WDR7: variants seen among roughly 807,000 people sequenced by gnomAD.
The protein encoded by WDR7 is WD repeat-containing protein 7.
Under a neutral mutation model 169.4 loss-of-function variants are expected in WDR7, and 46 were observed. The observed-to-expected ratio is 0.27, with a 90% CI of 0.21 to 0.35. The LOEUF (loss-of-function observed/expected upper bound fraction) is 0.35. Ranked by LOEUF, WDR7 falls within the 10% of genes least tolerant of loss-of-function variation. The probability of loss-of-function intolerance (pLI) is 1.00; values close to 1 mark genes in which losing one functional copy is unlikely to be tolerated. For synonymous variants in WDR7, 612 were observed against 666.8 expected (o/e 0.92, Z 1.27); for missense variants, 1,534 against 1,859.3 (o/e 0.83, Z 3.22).
chr18:56,849,017 T>C (rs928168157), intron 20 of WDR7, among the ~76,000 whole-genome samples: 1 of 152,236 alleles, frequency 6.6e-6, no homozygotes, highest in Non-Finnish European at 1.5e-5. Context: ...GTTTCCAAGC[T>C]TCGTGGCTCT....
intron 20 of WDR7, among the ~76,000 whole-genome samples, chr18:56,820,359 A>AAAAAAAACAAAAAAAAAC (rs1044771844): frequency 7.8e-6 from 1 of 127,462 alleles, no homozygotes; most frequent in African/African-American, 3.5e-5. Flanking sequence ...AAAAAAAAAA[A>AAAAAAAACAAAAAAAAAC]AAAAACCACC....
chr18:56,815,169 A>G (rs564207810), intron 19 of WDR7, among the ~76,000 whole-genome samples: 22 of 152,320 alleles, frequency 1.4e-4, no homozygotes, highest in African/African-American at 5.3e-4. Flanking sequence ...CTATGTAGGC[A>G]GTTATTGATA....
intron 5 of WDR7, 22 bp downstream of exon 5, chr18:56,682,875 G>C (rs1245608272): frequency 1.2e-6 from 2 of 1,606,892 alleles, no homozygotes; most frequent in African/African-American, 1.3e-5. Flanking sequence ...ATGCCTGTTA[G>C]GAGCTTTAGC....
chr18:56,911,490 T>C (rs2046551047), intron 21 of WDR7, among the ~76,000 whole-genome samples: 1 of 152,226 alleles, frequency 6.6e-6, no homozygotes. Context: ...AGAATGTCAG[T>C]GTTTGTCCAT....
chr18:56,840,597 G>A (rs968952936), intron 20 of WDR7, among the ~76,000 whole-genome samples: 1 of 152,112 alleles, frequency 6.6e-6, no homozygotes, highest in Non-Finnish European at 1.5e-5. Flanking sequence ...GAGGCAGGTG[G>A]ATCATTTGAG....
chr18:56,798,633 A>G (rs2044622855), intron 19 of WDR7, among the ~76,000 whole-genome samples: 1 of 152,200 alleles, frequency 6.6e-6, no homozygotes, highest in South Asian at 2.1e-4. Flanking sequence ...ATTGAGGGTG[A>G]TACTGCGGTT....
At chr18:56,791,830 C>A (rs28701844) in intron 19 of WDR7, among the ~76,000 whole-genome samples, 4,019 of 152,114 alleles carry the variant, frequency 0.026, 73 homozygotes, top group African/African-American at 0.051. Context: ...AGTCTTGTGG[C>A]GAAGGGACTC....
In WDR7 at chr18:56,735,848, T is replaced by C. The variant is rs149921701; in HGVS notation, c.1989+4251T>C. Reference sequence around the variant, plus strand: ...TAAAACTATTTACAGAAGCAGGTGGTGAGTTGGATTTGGCCCATGGGTCAT... The same window carrying C: ...TAAAACTATTTACAGAAGCAGGTGGCGAGTTGGATTTGGCCCATGGGTCAT... On this transcript the variant is annotated intron_variant, in intron 14 of 27. Transcript: ENST00000254442. Among the ~76,000 whole-genome samples, 27 of 152,204 alleles carry C rather than the reference T, an allele frequency of 1.8e-4. No homozygotes were observed. The East Asian group carries it at 5.2e-3, about 29-fold the overall frequency.
intron 19 of WDR7, among the ~76,000 whole-genome samples, chr18:56,800,407 A>G (rs2044652490): frequency 6.6e-6 from 1 of 152,164 alleles, no homozygotes; most frequent in South Asian, 2.1e-4. Flanking sequence ...AATATATTTC[A>G]TGCATGTGCT....
rs115244004 is a variant in WDR7 at position 56,803,172 on chromosome 18, A to G, written c.3191-12859A>G. On this transcript the variant is annotated intron_variant, in intron 19 of 27. Transcript: ENST00000254442. Reference sequence around the variant, plus strand: ...AAATAACTGAATATTCTCAAATAATAAAGTCAGAGCACATTACAGTGTTTA... The same window carrying G: ...AAATAACTGAATATTCTCAAATAATGAAGTCAGAGCACATTACAGTGTTTA... 5.5e-3 allele frequency among the ~76,000 whole-genome samples: 831 copies of G among 152,362 alleles called. 10 individuals are homozygous for G. The highest frequency in any genetic ancestry group is 0.019 in the African/African-American group (787 of 41,584).
chr18:57,024,768 A>G (rs796259385), intron 27 of WDR7, among the ~76,000 whole-genome samples: 5 of 141,868 alleles, frequency 3.5e-5, no homozygotes, highest in East Asian at 3.9e-4. Flanking sequence ...GTGAGCTATG[A>G]TAGTTATGTC....
chr18:56,748,324 A>G (rs1207197274), intron 14 of WDR7, among the ~76,000 whole-genome samples: 1 of 152,070 alleles, frequency 6.6e-6, no homozygotes, highest in Non-Finnish European at 1.5e-5. Flanking sequence ...TACTTTGGTA[A>G]CTTGGCCCTT....
intron 1 of WDR7, among the ~76,000 whole-genome samples, chr18:56,656,052 T>C (rs374971835): frequency 6.6e-6 from 1 of 152,296 alleles, no homozygotes; most frequent in African/African-American, 2.4e-5. Flanking sequence ...TGAACATTCT[T>C]GTACAGTTTT....
intron 26 of WDR7, among the ~76,000 whole-genome samples, chr18:56,995,360 G>A (rs1431693362): frequency 6.6e-6 from 1 of 152,120 alleles, no homozygotes; most frequent in Non-Finnish European, 1.5e-5. Flanking sequence ...ATTTAAGCAT[G>A]GTATAAATGA....
chr18:56,903,097 G>A (rs1405313532), intron 21 of WDR7, among the ~76,000 whole-genome samples: 4 of 152,116 alleles, frequency 2.6e-5, no homozygotes, highest in African/African-American at 7.2e-5. Context: ...AATGCCTTGG[G>A]TGGTAGTTAC....
At chr18:56,796,305 C>A (rs563176648) in intron 19 of WDR7, among the ~76,000 whole-genome samples, 2 of 152,218 alleles carry the variant, frequency 1.3e-5, no homozygotes, top group Non-Finnish European at 2.9e-5. Context: ...TACTACCCTA[C>A]TGGCTCACTC....
At chr18:56,781,393 C>G (rs753514266) in intron 18 of WDR7, 140 bp from the exon 19 acceptor site, 1 of 867,950 alleles carries the variant, frequency 1.2e-6, no homozygotes, top group African/African-American at 1.8e-5. Flanking sequence ...TTAACTCATT[C>G]GGTTAATAGT....
intron 14 of WDR7, among the ~76,000 whole-genome samples, chr18:56,746,864 A>G (rs1357446949): frequency 6.6e-6 from 1 of 152,098 alleles, no homozygotes; most frequent in Non-Finnish European, 1.5e-5. Context: ...GCCTCTACCC[A>G]CTAGATGCTA....
chr18:56,867,613 G>T (rs2045900465), intron 20 of WDR7, among the ~76,000 whole-genome samples: 1 of 152,080 alleles, frequency 6.6e-6, no homozygotes, highest in South Asian at 2.1e-4. Flanking sequence ...AATTAGTTTT[G>T]GAAAAATGGC....
Sources: allele counts gnomAD v4.1 joint callset (sites outside exome capture counted in the v4.1 genomes callset), GRCh38; gene constraint gnomAD v4.1.1; transcripts MANE v1.5; gene names NCBI Gene and HGNC (gene_info 2026-07-23, HGNC 2026-07-21).